MACROD2: variants seen among roughly 807,000 people sequenced by gnomAD.
MACROD2 encodes ADP-ribose glycohydrolase MACROD2.
In MACROD2, 36 loss-of-function variants were observed where a neutral mutation model predicts 70.4. The observed-to-expected ratio is 0.51, with a 90% CI of 0.39 to 0.68. The LOEUF is 0.68. Among genes scored for constraint, MACROD2 ranks in the 30% least tolerant of loss-of-function variants. The pLI is 0.00. For synonymous variants in MACROD2, 172 were observed against 178.8 expected (o/e 0.96, Z 0.30); for missense variants, 496 against 538.4 (o/e 0.92, Z 0.78).
At chr20:15,867,027 A>G (rs921367031) in intron 9 of MACROD2, among the ~76,000 whole-genome samples, 4 of 152,178 alleles carry the variant, frequency 2.6e-5, no homozygotes, top group Non-Finnish European at 5.9e-5. Context: ...CTAGAAGCCC[A>G]AGGCCAAGTG....
chr20:15,425,652 T>C (rs750122054), intron 6 of MACROD2, among the ~76,000 whole-genome samples: 17 of 152,192 alleles, frequency 1.1e-4, no homozygotes, highest in Non-Finnish European at 2.4e-4. Flanking sequence ...TGGTGGTCAA[T>C]AAACTCTTCA....
At chr20:14,226,183 G>A (rs2081731486) in intron 3 of MACROD2, among the ~76,000 whole-genome samples, 1 of 152,232 alleles carries the variant, frequency 6.6e-6, no homozygotes, top group South Asian at 2.1e-4. Flanking sequence ...CAGGAATGGT[G>A]CCCCTGTCTT....
chr20:14,872,344 T>C (rs1174832905), intron 5 of MACROD2, among the ~76,000 whole-genome samples: 2 of 152,114 alleles, frequency 1.3e-5, no homozygotes, highest in Non-Finnish European at 2.9e-5. Flanking sequence ...CACATTGCTA[T>C]TGCCAAGTTC....
Position 16,013,451 on chromosome 20 carries a change from A to G in MACROD2, c.1153+26293A>G, listed in dbSNP as rs117485114. ...CCTTGTACCTGTATCTAAAAAAAAT[A>G]ACAAATTAAAAAATAGATTTGAGAT... On this transcript the variant is annotated intron_variant, in intron 15 of 17. Coordinates refer to ENST00000684519, the MANE Select transcript of MACROD2 (RefSeq NM_001351661.2). Among the ~76,000 whole-genome samples the G allele has an allele frequency of 1.4e-4, 22 of 152,310 alleles. No individual in the cohort carries two copies. In the East Asian group the frequency reaches 4.2e-3, roughly 29 times the overall value.
chr20:14,575,993 T>A (rs1457155254), intron 4 of MACROD2, among the ~76,000 whole-genome samples: 1 of 152,138 alleles, frequency 6.6e-6, no homozygotes, highest in African/African-American at 2.4e-5. Context: ...CACCTAAATA[T>A]ATAGTTGTCT....
chr20:15,677,376 G>GA (rs1568968770), intron 8 of MACROD2, among the ~76,000 whole-genome samples: 2 of 152,088 alleles, frequency 1.3e-5, no homozygotes. Flanking sequence ...TGCGGTGGTG[G>GA]GGGGAAGTGG....
At chr20:14,259,515 G>T (rs888880142) in intron 3 of MACROD2, among the ~76,000 whole-genome samples, 10 of 152,106 alleles carry the variant, frequency 6.6e-5, no homozygotes, top group African/African-American at 2.4e-4. Context: ...AAGGGATTGT[G>T]AATTTAGTTT....
At chr20:14,250,375 A>C (rs891297096) in intron 3 of MACROD2, among the ~76,000 whole-genome samples, 18 of 152,160 alleles carry the variant, frequency 1.2e-4, no homozygotes, top group Non-Finnish European at 2.5e-4. Context: ...AAAAATAGAA[A>C]TCATCACTGG....
At chr20:14,193,620 A>G (rs560726806) in intron 3 of MACROD2, among the ~76,000 whole-genome samples, 79 of 152,328 alleles carry the variant, frequency 5.2e-4, no homozygotes, top group Middle Eastern at 6.8e-3. Flanking sequence ...GCCCGGGTCA[A>G]GTAAGAACTT....
At chr20:15,566,700 T>C (rs951225256) in intron 8 of MACROD2, among the ~76,000 whole-genome samples, 2 of 152,220 alleles carry the variant, frequency 1.3e-5, no homozygotes, top group African/African-American at 2.4e-5. Flanking sequence ...ATTTCCATCT[T>C]ATTGCTTAGG....
chr20:15,107,812 T>G (rs2075922876), intron 5 of MACROD2, among the ~76,000 whole-genome samples: 1 of 152,090 alleles, frequency 6.6e-6, no homozygotes, highest in Admixed American at 6.6e-5. Flanking sequence ...GAATGTGGGA[T>G]TTTTACTGTT....
At chr20:15,155,693 C>T (rs138696016) in intron 5 of MACROD2, among the ~76,000 whole-genome samples, 126 of 152,074 alleles carry the variant, frequency 8.3e-4, no homozygotes, top group African/African-American at 2.6e-3. Flanking sequence ...GTTTTATCAC[C>T]ATGGGATCCC....
At chr20:15,381,097 G>C (rs1163038984) in intron 6 of MACROD2, among the ~76,000 whole-genome samples, 1 of 152,154 alleles carries the variant, frequency 6.6e-6, no homozygotes, top group African/African-American at 2.4e-5. Context: ...AATTAACTAT[G>C]TGGAATTTGC....
chr20:15,299,433 A>C (rs2077621368), intron 6 of MACROD2, among the ~76,000 whole-genome samples: 1 of 152,336 alleles, frequency 6.6e-6, no homozygotes, highest in East Asian at 1.9e-4. Flanking sequence ...CTGCTTCCTA[A>C]TTCAACAAAG....
chr20:15,794,829 A>G (rs1024541854), intron 8 of MACROD2, among the ~76,000 whole-genome samples: 1 of 152,156 alleles, frequency 6.6e-6, no homozygotes, highest in East Asian at 1.9e-4. Flanking sequence ...AGAGAACGCT[A>G]TTTCTCTCAA....
intron 3 of MACROD2, among the ~76,000 whole-genome samples, chr20:14,160,908 T>C (rs545169386): frequency 1.1e-4 from 16 of 152,136 alleles, no homozygotes; most frequent in Non-Finnish European, 2.4e-4. Context: ...TGCATAACGT[T>C]TGGGTTTGGG....
intron 5 of MACROD2, among the ~76,000 whole-genome samples, chr20:14,843,459 A>G (rs1028503489): frequency 2.6e-5 from 4 of 152,054 alleles, no homozygotes; most frequent in Admixed American, 1.3e-4. Flanking sequence ...TGTGGCAGTT[A>G]TAGATTATTA....
chr20:15,791,533 A>T (rs1311929071), intron 8 of MACROD2, among the ~76,000 whole-genome samples: 1 of 152,000 alleles, frequency 6.6e-6, no homozygotes, highest in African/African-American at 2.4e-5. Flanking sequence ...ATGTGTAAGC[A>T]TCATTTGGGG....
intron 3 of MACROD2, among the ~76,000 whole-genome samples, chr20:14,252,922 TC>T (rs758797879): frequency 1.3e-5 from 2 of 152,078 alleles, no homozygotes; most frequent in Non-Finnish European, 2.9e-5. Context: ...AATTTTATTC[TC>T]CCTTGTCATT....
Sources: gnomAD v4.1 joint callset for allele counts (sites outside exome capture counted in the v4.1 genomes callset) on GRCh38, gnomAD v4.1.1 for gene constraint, MANE v1.5 for transcripts, NCBI Gene and HGNC (gene_info 2026-07-23, HGNC 2026-07-21) for gene names.